GLB1: variants seen among roughly 807,000 people sequenced by gnomAD.
The protein encoded by GLB1 is galactosidase beta 1, also known as beta-galactosidase.
A neutral mutation model predicts 74.0 loss-of-function variants in GLB1; 56 were observed. The ratio of observed to expected loss-of-function variants is 0.76; its 90% CI spans 0.61 to 0.94. The LOEUF is 0.94. Ranked by LOEUF, GLB1 falls within the 40% of genes least tolerant of loss-of-function variation. GLB1 has a pLI of 0.00. For missense variants in GLB1, 787 were observed against 845.5 expected (o/e 0.93, Z 0.86); for synonymous variants, 323 against 323.6 (o/e 1.00, Z 0.02).
intron 10 of GLB1, among the ~76,000 whole-genome samples, chr3:33,033,006 A>G (rs1419407888): frequency 3.9e-5 from 6 of 152,216 alleles, no homozygotes; most frequent in African/African-American, 1.4e-4. Context: ...GGACCCAAGT[A>G]AAAATCAGTT....
At chr3:33,058,384 C>G (rs1699309300) in intron 5 of GLB1, 115 bp from the exon 6 acceptor site, 4 of 1,485,160 alleles carry the variant, frequency 2.7e-6, no homozygotes. Flanking sequence ...GGCTTAATGA[C>G]TGCTGGAAAA....
chr3:33,091,059 G>C, intron 1 of GLB1: 2 of 985,290 alleles, frequency 2.0e-6, no homozygotes, highest in Non-Finnish European at 2.4e-6. Flanking sequence ...ATCAAACAGT[G>C]GAAGTGAAAT....
At chr3:32,980,333 T>A in the GLB1 span, among the ~76,000 whole-genome samples, 1 of 152,240 alleles carries the variant, frequency 6.6e-6, no homozygotes, top group Non-Finnish European at 1.5e-5. Flanking sequence ...ATTACAGGCA[T>A]GAGCCACCAC....
chr3:32,969,899 C>T, the GLB1 span, among the ~76,000 whole-genome samples: 160 of 152,354 alleles, frequency 1.1e-3, 3 homozygotes, highest in East Asian at 0.027. Flanking sequence ...ACTTGGCCCC[C>T]GGGAGTTCAG....
At chr3:33,010,755 T>C (rs1007964278) in intron 15 of GLB1, among the ~76,000 whole-genome samples, 11 of 152,322 alleles carry the variant, frequency 7.2e-5, no homozygotes, top group African/African-American at 2.6e-4. Flanking sequence ...AGAGAAATTT[T>C]AGAAGTTTTA....
intron 14 of GLB1, among the ~76,000 whole-genome samples, chr3:33,015,816 C>G (rs1280775272): frequency 6.6e-6 from 1 of 152,134 alleles, no homozygotes; most frequent in African/African-American, 2.4e-5. Context: ...AGGAAATAGC[C>G]CCAGACACCT....
chr3:33,043,022 G>A (rs1698568026), intron 10 of GLB1, among the ~76,000 whole-genome samples: 1 of 152,034 alleles, frequency 6.6e-6, no homozygotes, highest in East Asian at 1.9e-4. Context: ...TTTAAGGAGA[G>A]AACTAAAATA....
In GLB1 at chr3:32,999,719, G is replaced by A. The variant is rs530844604; in HGVS notation, c.1735-2375C>T. ...TCGTGCAGTGGTGCAATCCTGGCTCGCTGCAGCCTCCGCCTCCACCTCCCA... is the reference window on the plus strand; with the variant it reads ...TCGTGCAGTGGTGCAATCCTGGCTCACTGCAGCCTCCGCCTCCACCTCCCA... On this transcript the variant is annotated intron_variant, in intron 15 of 15. Coordinates refer to ENST00000307363, the MANE Select transcript of GLB1 (RefSeq NM_000404.4). Among the ~76,000 whole-genome samples, 5 of 152,236 alleles carry A rather than the reference G, an allele frequency of 3.3e-5. No individual in the cohort carries two copies. The South Asian group carries it at 6.2e-4, about 19-fold the overall frequency.
At chr3:33,042,821 C>T (rs1323767052) in intron 10 of GLB1, among the ~76,000 whole-genome samples, 3 of 152,178 alleles carry the variant, frequency 2.0e-5, no homozygotes, top group Non-Finnish European at 4.4e-5. Flanking sequence ...GGCTCTCTCA[C>T]CACCTTAAAA....
At chr3:33,069,122 G>A in intron 2 of GLB1, 152 bp from the exon 3 acceptor site, 1 of 1,357,214 alleles carries the variant, frequency 7.4e-7, no homozygotes, top group Non-Finnish European at 1.0e-6. Context: ...GGGCACAGTG[G>A]CTCAGGCCTC....
the GLB1 span, among the ~76,000 whole-genome samples, chr3:32,977,475 T>C: frequency 6.4e-3 from 968 of 152,272 alleles, 8 homozygotes; most frequent in African/African-American, 0.022. Flanking sequence ...CCCAAAGTGC[T>C]GGGATTACAG....
At chr3:33,043,739 A>C (rs1312215604) in intron 10 of GLB1, among the ~76,000 whole-genome samples, 2 of 41,828 alleles carry the variant, frequency 4.8e-5, no homozygotes, top group Non-Finnish European at 1.4e-4. Flanking sequence ...AACAGAACAA[A>C]GGATATAAAA....
chr3:33,064,971 A>T (rs1699612967), intron 5 of GLB1, among the ~76,000 whole-genome samples: 1 of 152,126 alleles, frequency 6.6e-6, no homozygotes, highest in Non-Finnish European at 1.5e-5. Context: ...TAAGAGAGGA[A>T]ACATAACAGC....
At chr3:32,974,317 G>C in the GLB1 span, among the ~76,000 whole-genome samples, 2,837 of 152,146 alleles carry the variant, frequency 0.019, 212 homozygotes, top group East Asian at 0.25. Context: ...CCTGGAGAGG[G>C]GGAGGGAGGG....
At chr3:33,061,425 A>G (rs917837437) in intron 5 of GLB1, among the ~76,000 whole-genome samples, 10 of 152,138 alleles carry the variant, frequency 6.6e-5, no homozygotes, top group African/African-American at 2.4e-4. Flanking sequence ...ACAAACAAAC[A>G]AAAAACCACC....
chr3:32,991,009 T>TA, the GLB1 span, among the ~76,000 whole-genome samples: 1 of 152,032 alleles, frequency 6.6e-6, no homozygotes, highest in African/African-American at 2.4e-5. Context: ...TATTGCTTAG[T>TA]AAAAATTAAA....
At chr3:33,081,500 C>CT (rs1216271014) in intron 1 of GLB1, among the ~76,000 whole-genome samples, 5 of 152,140 alleles carry the variant, frequency 3.3e-5, no homozygotes, top group African/African-American at 1.2e-4. Context: ...AAAGGGTGAC[C>CT]AGAGACCCCA....
At chr3:33,065,346 T>C in intron 5 of GLB1, 117 bp downstream of exon 5, 2 of 1,352,152 alleles carry the variant, frequency 1.5e-6, no homozygotes, top group African/African-American at 1.4e-5. Flanking sequence ...ATCTGTGGCA[T>C]TACCTCTTAA....
At chr3:33,028,163 C>A (rs1228213563) in intron 10 of GLB1, among the ~76,000 whole-genome samples, 1 of 152,186 alleles carries the variant, frequency 6.6e-6, no homozygotes, top group Admixed American at 6.5e-5. Flanking sequence ...CTTGGCCTAC[C>A]AAAGTGCTGG....
Sources: gnomAD v4.1 joint callset for allele counts (sites outside exome capture counted in the v4.1 genomes callset) on GRCh38, gnomAD v4.1.1 for gene constraint, MANE v1.5 for transcripts, NCBI Gene and HGNC (gene_info 2026-07-23, HGNC 2026-07-21) for gene names.